The following POLR2B variants were observed in gnomAD, a reference collection of about 807,000 sequenced individuals.
POLR2B encodes DNA-directed RNA polymerase II subunit RPB2.
POLR2B carries 57 observed loss-of-function variants against 144.6 expected under a neutral mutation model. That is an observed-to-expected ratio of 0.39 (90% CI 0.32 to 0.49). The LOEUF (loss-of-function observed/expected upper bound fraction) is 0.49, where lower values mean the gene tolerates loss of function less well. POLR2B is among the 20% of genes least tolerant of loss of function. The pLI is 0.83. For synonymous variants in POLR2B, 442 were observed against 469.8 expected, an observed-to-expected ratio of 0.94 and a Z score of 0.77; for missense variants, 595 against 1,467.4, an observed-to-expected ratio of 0.41 and a Z score of 9.71.
Position 56,994,515 on chromosome 4 carries a change from A to G in POLR2B, c.355A>G (p.Thr119Ala), listed in dbSNP as rs776570740. The change falls in exon 4 of 25, where the codon ACG becomes GCG. Residue 119 changes from threonine to alanine, a missense_variant and splice_region_variant. Physicochemically the swap from Thr to Ala is moderately conservative, Grantham distance 58. This residue lies in a region of POLR2B where 251 missense variants were observed against 567.3 expected (regional missense o/e 0.44). Coordinates refer to ENST00000314595, the MANE Select transcript of POLR2B (RefSeq NM_000938.3). ...MPNEARLRNLTYSAPLYVDIT... is the reference protein window; with the variant it reads ...MPNEARLRNLAYSAPLYVDIT... ...CAATGAAGCTAGATTAAGGAATCTC[A>G]CGTAAGAAAGAATTTTTCCTTGTCA... 1 of 1,563,804 alleles carries G rather than the reference A, an allele frequency of 6.4e-7. No individual in the cohort carries two copies. The highest frequency in any genetic ancestry group is 8.8e-7 in the Non-Finnish European group (1 of 1,134,898).
chr4:56,989,195 T>G (rs1277284), intron 2 of POLR2B, among the ~76,000 whole-genome samples: 65,194 of 151,998 alleles, frequency 0.43, 14,314 homozygotes, highest in Admixed American at 0.5. Context: ...TGATTTTGGG[T>G]AAAGTAGCTA....
Position 57,030,363 on chromosome 4 carries a change from T to C in POLR2B, c.3399T>C (p.His1133=), listed in dbSNP as rs967922483. 1.2e-5 allele frequency: 19 copies of C among 1,613,414 alleles called. No individual in the cohort carries two copies. Among genetic ancestry groups the C allele is most frequent in the Non-Finnish European group, 1.5e-5 (18 of 1,179,618 alleles). Residue 1133 remains histidine (H), a synonymous_variant, in exon 24 of 25, where the codon CAT becomes CAC. Transcript: ENST00000314595. ...TGGCGATTGCCAACACCAGGACCCATACATATGAATGCAGGGGCTGCCGCA... is the reference window on the plus strand; with the variant it reads ...TGGCGATTGCCAACACCAGGACCCACACATATGAATGCAGGGGCTGCCGCA... The part of the protein sequence containing the change: ...GIMAIANTRT[H]TYECRGCRNK...
chr4:56,994,628 T>C lies in POLR2B; in HGVS notation c.357-19T>C. On this transcript the variant is annotated intron_variant, in intron 4 of 24. Transcript: ENST00000314595. ...CAGATACCCTATTGCTTAACTGTGATCTACTTTTATTTTCAAAGGTATTCT... is the reference window on the plus strand; with the variant it reads ...CAGATACCCTATTGCTTAACTGTGACCTACTTTTATTTTCAAAGGTATTCT... 6.5e-7 allele frequency: 1 copy of C among 1,545,172 alleles called. No individual in the cohort carries two copies. The highest frequency in any genetic ancestry group is 8.9e-7 in the Non-Finnish European group (1 of 1,117,616).
chr4:56,978,934 G>T lies in POLR2B; in HGVS notation c.-52G>T, dbSNP rs1322551441. 1 of 1,586,552 alleles carries T rather than the reference G, an allele frequency of 6.3e-7. No homozygotes were observed. The highest frequency in any genetic ancestry group is 8.7e-7 in the Non-Finnish European group (1 of 1,155,300). On this transcript the variant is annotated 5_prime_UTR_variant, in exon 1 of 25. Coordinates refer to ENST00000314595, the MANE Select transcript of POLR2B (RefSeq NM_000938.3). ...CTCCTGGCGCTGCTGGCTTCTGGGCGGTTTTTGTCTTTTGATTTCAAGAGT... is the reference window on the plus strand; with the variant it reads ...CTCCTGGCGCTGCTGGCTTCTGGGCTGTTTTTGTCTTTTGATTTCAAGAGT...
intron 2 of POLR2B, among the ~76,000 whole-genome samples, chr4:56,990,435 A>C (rs967653564): frequency 2.6e-5 from 4 of 152,158 alleles, no homozygotes. Context: ...TGCGTTGCCC[A>C]GGCTGAACTC....
intron 13 of POLR2B, among the ~76,000 whole-genome samples, chr4:57,011,482 T>G (rs1723186789): frequency 6.6e-6 from 1 of 150,888 alleles, no homozygotes; most frequent in Non-Finnish European, 1.5e-5. Context: ...GAGGTGAGAT[T>G]GCACCTCTGC....
At chr4:56,992,519 G>T (rs1399392031) in intron 3 of POLR2B, among the ~76,000 whole-genome samples, 1 of 142,232 alleles carries the variant, frequency 7.0e-6, no homozygotes, top group African/African-American at 2.6e-5. Context: ...GTGTATTTAG[G>T]CTGGGGACCA....
intron 1 of POLR2B, among the ~76,000 whole-genome samples, chr4:56,979,576 T>C (rs1722089624): frequency 6.6e-6 from 1 of 152,172 alleles, no homozygotes; most frequent in Non-Finnish European, 1.5e-5. Flanking sequence ...AGATGATATG[T>C]ATTCTGCTGC....
intron 10 of POLR2B, chr4:57,010,065 A>C (rs1369088573): frequency 3.5e-6 from 1 of 284,916 alleles, no homozygotes; most frequent in Non-Finnish European, 6.7e-6. Flanking sequence ...GTGCTGGGAT[A>C]CAACAGAGAA....
intron 10 of POLR2B, chr4:57,009,466 G>A (rs1407002566): frequency 6.6e-6 from 1 of 152,200 alleles, no homozygotes; most frequent in African/African-American, 2.4e-5. Context: ...TTTTTAAGTG[G>A]GTAAGTGTTA....
intron 6 of POLR2B, 72 bp from the exon 7 acceptor site, chr4:56,999,545 A>G: frequency 2.1e-6 from 2 of 936,560 alleles, no homozygotes; most frequent in Non-Finnish European, 3.2e-6. Flanking sequence ...TATATTAAAT[A>G]GTTCTCTTGG....
rs371599557 is a variant in POLR2B, at chr4:56,997,552, C to G, written c.736-2065C>G. 1.7e-3 allele frequency among the ~76,000 whole-genome samples: 262 copies of G among 152,282 alleles called. 10 individuals carry two copies. In the South Asian group the frequency reaches 0.052, roughly 30 times the overall value. ...CATGAGCCACCGCCCCTGACCAGTT[C>G]ATGAAACTTAATAGAGAAGATGGGA... On this transcript the variant is annotated intron_variant, in intron 6 of 24. Coordinates refer to ENST00000314595, the MANE Select transcript of POLR2B (RefSeq NM_000938.3).
At chr4:57,010,949 G>T in intron 12 of POLR2B, 40 bp from the exon 13 acceptor site, 1 of 1,595,956 alleles carries the variant, frequency 6.3e-7, no homozygotes, top group Non-Finnish European at 8.6e-7. Flanking sequence ...GCTTAGTATA[G>T]AATTGTTAAG....
chr4:57,023,589 A>G lies in POLR2B; in HGVS notation c.2766+9A>G. 6.2e-7 allele frequency: 1 copy of G among 1,613,198 alleles called. No individual in the cohort carries two copies. The highest frequency in any genetic ancestry group is 8.5e-7 in the Non-Finnish European group (1 of 1,179,332). Reference sequence around the variant, plus strand: ...AATTTTGTAAAATAAGGGTGAGTACAACTTTGTTCATGTAGCTAGTTTTAG... The same window carrying G: ...AATTTTGTAAAATAAGGGTGAGTACGACTTTGTTCATGTAGCTAGTTTTAG... On this transcript the variant is annotated intron_variant, in intron 19 of 24. Transcript: ENST00000314595. The surrounding 1 kb of genome is among the most constrained non-coding windows in gnomAD (Gnocchi z 4.3).
At chr4:56,979,288 T>A (rs1407196450) in intron 1 of POLR2B, among the ~76,000 whole-genome samples, 3 of 152,144 alleles carry the variant, frequency 2.0e-5, no homozygotes. Flanking sequence ...TGCAGAATCG[T>A]AAGATAAATT....
Position 56,999,763 on chromosome 4 carries a change from T to A in POLR2B, c.882T>A (p.Asp294Glu). 1 of 1,608,292 alleles carries A rather than the reference T, an allele frequency of 6.2e-7. No homozygotes were observed. The highest frequency in any genetic ancestry group is 8.5e-7 in the Non-Finnish European group (1 of 1,176,298). Reference protein sequence around the residue: ...ILEHIIYDFEDPEMMEMVKPS... With the variant: ...ILEHIIYDFEEPEMMEMVKPS... Reference sequence around the variant, plus strand: ...AACATATTATTTATGATTTTGAAGATCCAGAGATGATGGAAATGGTAATGT... The same window carrying A: ...AACATATTATTTATGATTTTGAAGAACCAGAGATGATGGAAATGGTAATGT... Residue 294 changes from aspartate (D) to glutamate (E), a missense_variant, in exon 7 of 25, where the codon GAT (aspartate) becomes GAA (glutamate). Transcript: ENST00000314595.
At chr4:57,028,676 C>T (rs968152185) in intron 23 of POLR2B, among the ~76,000 whole-genome samples, 2 of 152,158 alleles carry the variant, frequency 1.3e-5, no homozygotes, top group Non-Finnish European at 2.9e-5. Context: ...AATGTAAACA[C>T]AGTGAAAGAA....
rs1440509023 is a variant in POLR2B, at chr4:57,023,883, A to G, written c.2857-122A>G. The G allele has an allele frequency of 6.3e-6, 5 of 790,266 alleles. No homozygotes were observed. Among genetic ancestry groups the G allele is most frequent in the African/African-American group, 3.5e-5 (2 of 57,360 alleles). 49.0% of individuals were successfully genotyped at this position (790,266 alleles called of 1,614,324 possible). A position where few individuals can be genotyped will look rare whatever the true frequency, so the allele number is the denominator to read the frequency against. On this transcript the variant is annotated intron_variant, in intron 20 of 24. Coordinates refer to ENST00000314595, the MANE Select transcript of POLR2B (RefSeq NM_000938.3). The surrounding 1 kb of genome is among the most constrained non-coding windows in gnomAD (Gnocchi z 4.3). ...TTTTTGATTTTATTGTTGAATAAGT[A>G]TATGAACATACCATGTTTAAACAGA... is the stretch of plus-strand genomic sequence containing the variant.
At chr4:57,021,137 ATACT>A (rs1399558534) in intron 17 of POLR2B, 142 bp downstream of exon 17, 15 of 633,990 alleles carry the variant, frequency 2.4e-5, no homozygotes, top group Admixed American at 2.3e-4. Context: ...ACAGCTGAAG[ATACT>A]ACTTGTATCT....
Sources: allele counts gnomAD v4.1 joint callset (sites outside exome capture counted in the v4.1 genomes callset), GRCh38; gene constraint gnomAD v4.1.1; regional missense constraint gnomAD v4.1.1; non-coding constraint Gnocchi (gnomAD v3.1); transcripts MANE v1.5; gene names NCBI Gene and HGNC (gene_info 2026-07-23, HGNC 2026-07-21).